The following TRDN variants were observed in gnomAD, a reference collection of about 807,000 sequenced individuals.
TRDN encodes triadin.
TRDN carries 161 observed loss-of-function variants against 149.7 expected under a neutral mutation model. The observed-to-expected ratio is 1.08, with a 90% CI of 0.95 to 1.23. The LOEUF is 1.23. TRDN is among the 50% of genes most tolerant of loss of function. TRDN has a pLI of 0.00. For synonymous variants in TRDN, 294 were observed against 250.5 expected (o/e 1.17, Z -1.64); for missense variants, 896 against 823.5 (o/e 1.09, Z -1.08).
chr6:123,329,088 G>C (rs890303590), intron 23 of TRDN, among the ~76,000 whole-genome samples: 4 of 152,116 alleles, frequency 2.6e-5, no homozygotes, highest in African/African-American at 9.7e-5. Context: ...CCTGGAAAAT[G>C]AGAGTTAAAA....
In TRDN at chr6:123,388,562, G is replaced by A. The variant is rs927231100; in HGVS notation, c.1106-11C>T. 6.3e-7 allele frequency: 1 copy of A among 1,580,764 alleles called. No individual in the cohort carries two copies. Among genetic ancestry groups the A allele is most frequent in the Non-Finnish European group, 8.6e-7 (1 of 1,161,010 alleles). ...CCTTCTTAGCTGCTGCTGAAGTAATGAAAATAGCGTTAAGGCATATGAAAT... is the reference window on the plus strand; with the variant it reads ...CCTTCTTAGCTGCTGCTGAAGTAATAAAAATAGCGTTAAGGCATATGAAAT... On this transcript the variant is annotated splice_polypyrimidine_tract_variant and intron_variant, in intron 13 of 40. Transcript: ENST00000334268.
At chr6:123,245,677 GAAC>G (rs1309550346) in intron 38 of TRDN, among the ~76,000 whole-genome samples, 4 of 152,088 alleles carry the variant, frequency 2.6e-5, no homozygotes, top group African/African-American at 4.8e-5. Flanking sequence ...ATACTAGACA[GAAC>G]AACAAGACAG....
At chr6:123,335,659 T>C (rs1256307530) in intron 22 of TRDN, among the ~76,000 whole-genome samples, 1 of 151,920 alleles carries the variant, frequency 6.6e-6, no homozygotes, top group African/African-American at 2.4e-5. Flanking sequence ...GTTAAAAGTT[T>C]TGATAATTAT....
At chr6:123,558,643 T>C (rs1781808890) in intron 2 of TRDN, among the ~76,000 whole-genome samples, 1 of 152,172 alleles carries the variant, frequency 6.6e-6, no homozygotes, top group South Asian at 2.1e-4. Flanking sequence ...CAATATACAT[T>C]TTATTACCCA....
At chr6:123,564,473 A>G (rs1782177007) in intron 2 of TRDN, among the ~76,000 whole-genome samples, 1 of 152,220 alleles carries the variant, frequency 6.6e-6, no homozygotes, top group Non-Finnish European at 1.5e-5. Flanking sequence ...GGCCTTCCCT[A>G]AATGATTTTA....
At chr6:123,481,524 T>C (rs1299355839) in intron 9 of TRDN, among the ~76,000 whole-genome samples, 1 of 152,092 alleles carries the variant, frequency 6.6e-6, no homozygotes, top group Non-Finnish European at 1.5e-5. Flanking sequence ...GAAAAAATTC[T>C]ATAATTTCCC....
chr6:123,260,053 C>T (rs1488847897), intron 34 of TRDN, among the ~76,000 whole-genome samples: 1 of 151,776 alleles, frequency 6.6e-6, no homozygotes, highest in Non-Finnish European at 1.5e-5. Context: ...CCCTCCTCAC[C>T]CTCCTGAGTA....
chr6:123,355,620 C>T (rs755399458), intron 20 of TRDN, among the ~76,000 whole-genome samples: 10 of 151,516 alleles, frequency 6.6e-5, no homozygotes, highest in African/African-American at 1.9e-4. Context: ...ATATGAAAAT[C>T]GAGTCAGCTT....
intron 12 of TRDN, among the ~76,000 whole-genome samples, chr6:123,415,315 T>A (rs932378245): frequency 2.0e-5 from 3 of 152,336 alleles, no homozygotes; most frequent in East Asian, 1.9e-4. Context: ...ATATTTACCA[T>A]GTATTGGATA....
rs748274993 is a variant in TRDN at position 123,221,509 on chromosome 6, A to C, written c.2028T>G (p.Asp676Glu). 6.4e-7 allele frequency: 1 copy of C among 1,571,186 alleles called. No individual in the cohort carries two copies. Among genetic ancestry groups the C allele is most frequent in the South Asian group, 1.1e-5 (1 of 88,470 alleles). Residue 676 changes from aspartate to glutamate, a missense_variant, in exon 40 of 41, where the codon GAT becomes GAG. Asp to Glu is a conservative substitution (Grantham distance 45). Coordinates refer to ENST00000334268, the MANE Select transcript of TRDN (RefSeq NM_006073.4). Reference protein sequence around the residue: ...ASKKAKEGTEDVSPTKQKSPI... With the variant: ...ASKKAKEGTEEVSPTKQKSPI... ...TACTTTTCTGCTTTGTGGGAGACAC[A>C]TCTTCAGTTCCTTCTAGTGGATAAA...
At chr6:123,533,621 A>G (rs1303905825) in intron 4 of TRDN, among the ~76,000 whole-genome samples, 1 of 152,068 alleles carries the variant, frequency 6.6e-6, no homozygotes, top group East Asian at 1.9e-4. Flanking sequence ...GTACTCAGAC[A>G]TATCCTGACA....
chr6:123,440,636 T>G (rs1429278991), intron 10 of TRDN, among the ~76,000 whole-genome samples: 1 of 152,180 alleles, frequency 6.6e-6, no homozygotes, highest in African/African-American at 2.4e-5. Context: ...TAAACACTAA[T>G]GCCATACTAA....
intron 2 of TRDN, among the ~76,000 whole-genome samples, chr6:123,550,693 G>A (rs1781339816): frequency 6.6e-6 from 1 of 151,998 alleles, no homozygotes; most frequent in African/African-American, 2.4e-5. Context: ...TTATATGAAC[G>A]AGAGGATTTC....
At chr6:123,306,013 C>T (rs113900294) in intron 24 of TRDN, among the ~76,000 whole-genome samples, 69 of 152,260 alleles carry the variant, frequency 4.5e-4, no homozygotes, top group African/African-American at 1.4e-3. Context: ...TTTAAGCTTT[C>T]AAACTAGTTA....
intron 10 of TRDN, among the ~76,000 whole-genome samples, chr6:123,456,033 C>T (rs746315291): frequency 6.6e-6 from 1 of 152,054 alleles, no homozygotes; most frequent in Non-Finnish European, 1.5e-5. Context: ...ACATACATTA[C>T]CTTAAAGTAC....
At position 123,377,730 on chromosome 6, in the gene TRDN, T is replaced by G; in HGVS notation, c.1232A>C (p.Lys411Thr). ...GTCTTACTCACCTGAGTGTTCTTTC[T>G]TTGGTGACTTTGCTGTATCAAAAAG... Reference protein sequence around the residue: ...EKHVEPAKSPKKEHSVPSDKQ... With the variant: ...EKHVEPAKSPTKEHSVPSDKQ... The change falls in exon 18 of 41, where the codon AAG becomes ACG. Residue 411 changes from lysine (K) to threonine (T), a missense_variant. Physicochemically the swap from Lys to Thr is moderately conservative, Grantham distance 78. Coordinates refer to ENST00000334268, the MANE Select transcript of TRDN (RefSeq NM_006073.4). 1 of 1,613,230 alleles carries G rather than the reference T, an allele frequency of 6.2e-7. No homozygotes were observed. Among genetic ancestry groups the G allele is most frequent in the African/African-American group, 1.3e-5 (1 of 75,010 alleles).
intron 38 of TRDN, among the ~76,000 whole-genome samples, chr6:123,230,926 G>A (rs1775576306): frequency 6.6e-6 from 1 of 151,852 alleles, no homozygotes; most frequent in Non-Finnish European, 1.5e-5. Flanking sequence ...TATGCTACTA[G>A]GTACTAGATT....
At chr6:123,392,150 C>G (rs1772505558) in intron 13 of TRDN, among the ~76,000 whole-genome samples, 1 of 152,000 alleles carries the variant, frequency 6.6e-6, no homozygotes, top group South Asian at 2.1e-4. Context: ...CTTTGAAACT[C>G]TTGGTTACTA....
intron 7 of TRDN, among the ~76,000 whole-genome samples, chr6:123,510,586 C>T (rs1420043549): frequency 6.6e-6 from 1 of 150,966 alleles, no homozygotes; most frequent in Admixed American, 6.6e-5. Context: ...TATTATGGTA[C>T]TTTCAGTTCT....
Sources: gnomAD v4.1 joint callset for allele counts (sites outside exome capture counted in the v4.1 genomes callset) on GRCh38, gnomAD v4.1.1 for gene constraint, MANE v1.5 for transcripts, NCBI Gene and HGNC (gene_info 2026-07-23, HGNC 2026-07-21) for gene names.